SLC4A10: variants seen among roughly 807,000 people sequenced by gnomAD.
SLC4A10 encodes solute carrier family 4 member 10, also known as sodium-driven chloride bicarbonate exchanger.
In SLC4A10, 42 loss-of-function variants were observed where a neutral mutation model predicts 137.7. The ratio of observed to expected loss-of-function variants is 0.30; its 90% CI spans 0.24 to 0.39. The LOEUF is 0.39. SLC4A10 is among the 10% of genes least tolerant of loss of function. SLC4A10 has a pLI of 1.00. For missense variants in SLC4A10, 925 were observed against 1,355.0 expected, an observed-to-expected ratio of 0.68 and a Z score of 4.98; for synonymous variants, 474 against 464.1, an observed-to-expected ratio of 1.02 and a Z score of -0.27.
intron 4 of SLC4A10, among the ~76,000 whole-genome samples, chr2:161,847,073 A>C (rs1315334448): frequency 7.5e-6 from 1 of 133,252 alleles, no homozygotes; most frequent in Non-Finnish European, 1.6e-5. Flanking sequence ...CCCCATCTCT[A>C]TTAAAAAAAT....
At chr2:161,838,137 C>A (rs1178561525) in intron 3 of SLC4A10, among the ~76,000 whole-genome samples, 1 of 151,996 alleles carries the variant, frequency 6.6e-6, no homozygotes, top group Non-Finnish European at 1.5e-5. Flanking sequence ...TTTAGAAAGT[C>A]CAGAAAAACA....
At chr2:161,757,455 A>G (rs1288677858) in intron 1 of SLC4A10, among the ~76,000 whole-genome samples, 1 of 152,148 alleles carries the variant, frequency 6.6e-6, no homozygotes, top group Non-Finnish European at 1.5e-5. Flanking sequence ...TGTTTATTTC[A>G]CTAACACTAA....
At chr2:161,874,286 G>A (rs912742397) in intron 8 of SLC4A10, among the ~76,000 whole-genome samples, 1 of 152,142 alleles carries the variant, frequency 6.6e-6, no homozygotes, top group Non-Finnish European at 1.5e-5. Flanking sequence ...CATAAAGAAG[G>A]CATATTTAAC....
chr2:161,916,114 A>G (rs1406927559), intron 15 of SLC4A10, among the ~76,000 whole-genome samples: 3 of 152,214 alleles, frequency 2.0e-5, no homozygotes, highest in Non-Finnish European at 4.4e-5. Flanking sequence ...GAACTGTGAG[A>G]AAATAAATTT....
At chr2:161,798,019 A>G (rs2054964621) in intron 2 of SLC4A10, among the ~76,000 whole-genome samples, 1 of 151,180 alleles carries the variant, frequency 6.6e-6, no homozygotes, top group African/African-American at 2.4e-5. Context: ...TAGCAAAACA[A>G]CACAAGGAAC....
chr2:161,863,142 T>G, intron 6 of SLC4A10, 80 bp downstream of exon 6: 1 of 1,266,094 alleles, frequency 7.9e-7, no homozygotes, highest in Non-Finnish European at 1.1e-6. Context: ...TTTTAAAACT[T>G]GTTTTATTTG....
intron 1 of SLC4A10, among the ~76,000 whole-genome samples, chr2:161,699,813 C>A (rs1284920062): frequency 6.6e-6 from 1 of 152,062 alleles, no homozygotes; most frequent in African/African-American, 2.4e-5. Flanking sequence ...AGGAGAGAGG[C>A]CTGCATTCTA....
chr2:161,783,530 G>A (rs907714915), intron 2 of SLC4A10, among the ~76,000 whole-genome samples: 2 of 151,882 alleles, frequency 1.3e-5, no homozygotes, highest in African/African-American at 4.8e-5. Flanking sequence ...AAAAGACAAA[G>A]TAGCAAAATA....
intron 15 of SLC4A10, 135 bp from the exon 16 acceptor site, chr2:161,942,654 AGTT>A (rs756574212): frequency 1.6e-5 from 10 of 636,516 alleles, no homozygotes; most frequent in East Asian, 2.8e-5. Context: ...GTTGTGGAGT[AGTT>A]TAGGATAACC....
At chr2:161,845,775 A>G (rs1196550298) in intron 4 of SLC4A10, among the ~76,000 whole-genome samples, 1 of 152,124 alleles carries the variant, frequency 6.6e-6, no homozygotes, top group African/African-American at 2.4e-5. Flanking sequence ...TTAGACACCT[A>G]CAGGCAAAAA....
intron 1 of SLC4A10, among the ~76,000 whole-genome samples, chr2:161,716,821 T>TA (rs2044961632): frequency 6.6e-6 from 1 of 151,974 alleles, no homozygotes; most frequent in African/African-American, 2.4e-5. Context: ...AATTTTAAAA[T>TA]TTTTTTTCTA....
intron 19 of SLC4A10, among the ~76,000 whole-genome samples, chr2:161,953,629 C>T (rs1695177531): frequency 6.6e-6 from 1 of 151,958 alleles, no homozygotes; most frequent in Non-Finnish European, 1.5e-5. Context: ...ATGTTTTTAT[C>T]ATTTCATGAG....
chr2:161,870,689 T>A (rs1432645621), intron 6 of SLC4A10, among the ~76,000 whole-genome samples: 1 of 151,862 alleles, frequency 6.6e-6, no homozygotes, highest in Non-Finnish European at 1.5e-5. Context: ...ATTGAATGGC[T>A]GCTAATGAAC....
intron 15 of SLC4A10, among the ~76,000 whole-genome samples, chr2:161,922,843 G>T (rs2105517738): frequency 6.6e-6 from 1 of 152,256 alleles, no homozygotes; most frequent in East Asian, 1.9e-4. Context: ...CTGATTGTAT[G>T]TTTTGTATTA....
At chr2:161,821,570 A>G (rs1026477197) in intron 3 of SLC4A10, among the ~76,000 whole-genome samples, 13 of 152,214 alleles carry the variant, frequency 8.5e-5, no homozygotes, top group African/African-American at 2.9e-4. Flanking sequence ...TCAGGGTTAC[A>G]GTGATCATGC....
chr2:161,910,199 C>A (rs879337894), intron 15 of SLC4A10, among the ~76,000 whole-genome samples: 1 of 152,028 alleles, frequency 6.6e-6, no homozygotes, highest in South Asian at 2.1e-4. Flanking sequence ...AGTGTATCAA[C>A]CAAATAACAA....
intron 1 of SLC4A10, among the ~76,000 whole-genome samples, chr2:161,651,735 C>G (rs75397490): frequency 0.015 from 2,290 of 152,332 alleles, 48 homozygotes; most frequent in East Asian, 0.12. Flanking sequence ...CCTGCCCCAC[C>G]ACAGCAGCTG....
rs148929027 is a variant in SLC4A10, at chr2:161,659,213, C to T, written c.48+34647C>T. Among the ~76,000 whole-genome samples, 38 of 152,270 alleles carry T rather than the reference C, an allele frequency of 2.5e-4. No homozygotes were observed. The East Asian group carries it at 6.6e-3, about 26-fold the overall frequency. ...GATGGTATATATACACGATGGAATA[C>T]TATTCAGCCATAAAAAAGAATGAGG... On this transcript the variant is annotated intron_variant, in intron 1 of 26. Coordinates refer to ENST00000446997, the MANE Select transcript of SLC4A10 (RefSeq NM_001178015.2).
At chr2:161,716,592 G>T (rs1358995161) in intron 1 of SLC4A10, among the ~76,000 whole-genome samples, 3 of 150,608 alleles carry the variant, frequency 2.0e-5, no homozygotes, top group African/African-American at 7.3e-5. Flanking sequence ...TTTTTGTCAG[G>T]TTTGTTGAAG....
Sources: allele counts gnomAD v4.1 joint callset (sites outside exome capture counted in the v4.1 genomes callset), GRCh38; gene constraint gnomAD v4.1.1; transcripts MANE v1.5; gene names NCBI Gene and HGNC (gene_info 2026-07-23, HGNC 2026-07-21).